Variants in DUSP15 observed in about 807,000 individuals in gnomAD.
DUSP15 encodes the protein dual specificity protein phosphatase 15.
Under a neutral mutation model 26.3 loss-of-function variants are expected in DUSP15, and 23 were observed. The ratio of observed to expected loss-of-function variants is 0.87; its 90% CI spans 0.63 to 1.24. The LOEUF (loss-of-function observed/expected upper bound fraction) is 1.24, where lower values mean the gene tolerates loss of function less well. DUSP15 is among the 50% of genes most tolerant of loss of function. The pLI, the probability that DUSP15 is intolerant of heterozygous loss-of-function variation, is 0.00. For synonymous variants in DUSP15, 143 were observed against 135.5 expected (o/e 1.06, Z -0.39); for missense variants, 364 against 320.6 (o/e 1.14, Z -1.03).
intron 3 of DUSP15, among the ~76,000 whole-genome samples, chr20:31,866,224 T>A (rs1250538415): frequency 2.6e-5 from 4 of 152,238 alleles, no homozygotes; most frequent in African/African-American, 9.6e-5. Context: ...CCCATGGTTC[T>A]TTCTCTCCAG....
At chr20:31,852,070 C>T (rs1356848321) in intron 6 of DUSP15, among the ~76,000 whole-genome samples, 4 of 148,804 alleles carry the variant, frequency 2.7e-5, no homozygotes, top group Non-Finnish European at 5.9e-5. Flanking sequence ...TGCAATGGTG[C>T]GATCTCGGCT....
intron 5 of DUSP15, 56 bp downstream of exon 5, chr20:31,863,851 C>G (rs978796963): frequency 5.2e-6 from 8 of 1,540,918 alleles, no homozygotes; most frequent in Non-Finnish European, 7.2e-6. Context: ...GTGTGTTCAG[C>G]AGAGGGCACA....
chr20:31,862,322 G>A (rs972551081), intron 6 of DUSP15, among the ~76,000 whole-genome samples: 1 of 152,186 alleles, frequency 6.6e-6, no homozygotes, highest in Non-Finnish European at 1.5e-5. Context: ...GGGAGGGCTG[G>A]AAGACCTGGT....
In DUSP15 at chr20:31,848,559, C is replaced by A. The variant is rs570916731; in HGVS notation, c.733G>T (p.Val245Leu). Residue 245 changes from valine to leucine, a missense_variant, in exon 10 of 10, where the codon GTG (valine) becomes TTG (leucine). Transcript: ENST00000278979. ...GACGAGCTCCCAGGCCGAAGCTGCACCTGCACCTGCGGGGGCGGGTGGGGC... is the reference window on the plus strand; with the variant it reads ...GACGAGCTCCCAGGCCGAAGCTGCAACTGCACCTGCGGGGGCGGGTGGGGC... The A allele has an allele frequency of 5.7e-6, 9 of 1,571,792 alleles. No homozygotes were observed. The East Asian group carries it at 1.1e-4, about 20-fold the overall frequency.
chr20:31,858,290 C>T (rs2062594893), downstream of DUSP15, among the ~76,000 whole-genome samples: 1 of 152,192 alleles, frequency 6.6e-6, no homozygotes, highest in African/African-American at 2.4e-5. This position sits in a 1 kb window ranked among gnomAD's most constrained non-coding sequence, Gnocchi z 4.4. Flanking sequence ...GTCCCAGAGG[C>T]ACAGGGAACC....
intron 6 of DUSP15, 71 bp downstream of exon 6, chr20:31,862,500 C>T (rs1035998426): frequency 2.0e-6 from 3 of 1,486,622 alleles, no homozygotes; most frequent in Non-Finnish European, 2.7e-6. Flanking sequence ...ATGTTCCAAT[C>T]AGTGATCAGT....
downstream of DUSP15, among the ~76,000 whole-genome samples, chr20:31,858,877 G>A (rs1311161350): frequency 6.6e-6 from 1 of 152,168 alleles, no homozygotes; most frequent in East Asian, 1.9e-4. This position sits in a 1 kb window ranked among gnomAD's most constrained non-coding sequence, Gnocchi z 4.4. Flanking sequence ...TGGGCAGGAA[G>A]CCCAGGAAAC....
At chr20:31,849,446 T>G in intron 8 of DUSP15, 1 of 583,968 alleles carries the variant, frequency 1.7e-6, no homozygotes. Context: ...GCATTTAATG[T>G]GCCCACTCTC....
downstream of DUSP15, among the ~76,000 whole-genome samples, chr20:31,845,939 TAG>T (rs2062372329): frequency 6.7e-6 from 1 of 149,618 alleles, no homozygotes; most frequent in East Asian, 2.0e-4. Context: ...AAAAAAGAGA[TAG>T]AGACAGAGAG....
chr20:31,853,651 C>A (rs1482464920), intron 6 of DUSP15, among the ~76,000 whole-genome samples: 1 of 150,712 alleles, frequency 6.6e-6, no homozygotes, highest in African/African-American at 2.4e-5. Flanking sequence ...CACACCACTT[C>A]ACTCCAGCCT....
chr20:31,855,926 T>A (rs968123617), intron 6 of DUSP15, among the ~76,000 whole-genome samples: 1 of 152,108 alleles, frequency 6.6e-6, no homozygotes, highest in Non-Finnish European at 1.5e-5. Flanking sequence ...CGGGGGAGGC[T>A]CTCTCTTTTT....
Position 31,870,149 on chromosome 20 carries a change from G to T in DUSP15, c.21+168C>A. 1 of 1,230,352 alleles carries T rather than the reference G, an allele frequency of 8.1e-7. No individual in the cohort carries two copies. The highest frequency in any genetic ancestry group is 1.6e-5 in the African/African-American group (1 of 64,004). The allele number at this position is 1,230,352 out of a possible 1,614,324, so 76.2% of individuals were successfully genotyped here. On this transcript the variant is annotated intron_variant, in intron 1 of 6. Transcript: ENST00000339738. The surrounding 1 kb of genome is among the most constrained non-coding windows in gnomAD (Gnocchi z 6.6). Reference sequence around the variant, plus strand: ...GCGGGGACAGAGACGCAGGGTCAGAGAGGGGGAGACCCGACAGCCGCGGTC... The same window carrying T: ...GCGGGGACAGAGACGCAGGGTCAGATAGGGGGAGACCCGACAGCCGCGGTC...
rs565382099 is a variant in DUSP15 at position 31,861,656 on chromosome 20, T to C, written c.455A>G (p.Glu152Gly). 16 of 1,155,062 alleles carry C rather than the reference T, an allele frequency of 1.4e-5. No individual in the cohort carries two copies. In the East Asian group the frequency reaches 1.4e-3, roughly 101 times the overall value. The allele number at this position is 1,155,062 out of a possible 1,614,324, so 71.6% of individuals were successfully genotyped here. ...SSQKLRRQLE[E>G]RFGESPFRDE... ...GCGGAAGGGGCTCTCGCCGAAGCGC[T>C]CCTCCAGCTGCCGGCGAAGCTGGGG... The change falls in exon 7 of 7, where the codon GAG (glutamate) becomes GGG (glycine). Residue 152 changes from glutamate to glycine, a missense_variant. Transcript: ENST00000339738.
At chr20:31,854,938 T>A (rs766173080) in intron 6 of DUSP15, among the ~76,000 whole-genome samples, 120 of 152,356 alleles carry the variant, frequency 7.9e-4, no homozygotes, top group Non-Finnish European at 1.2e-3. Flanking sequence ...TTGTTTTCTG[T>A]GTGTTTCTGT....
intron 4 of DUSP15, 86 bp downstream of exon 4, chr20:31,864,867 C>T (rs1228794978): frequency 1.4e-6 from 2 of 1,410,562 alleles, no homozygotes; most frequent in Non-Finnish European, 2.0e-6. Context: ...GGCCTGAGTA[C>T]TTTGTCCTCC....
chr20:31,854,611 G>A (rs1014195884), intron 6 of DUSP15, among the ~76,000 whole-genome samples: 45 of 152,190 alleles, frequency 3.0e-4, no homozygotes, highest in African/African-American at 7.5e-4. Context: ...ACTGAGCTGG[G>A]CCTTGAAGGG....
chr20:31,846,442 T>TAGAG (rs71185371), downstream of DUSP15, among the ~76,000 whole-genome samples: 4,506 of 107,660 alleles, frequency 0.042, 108 homozygotes, highest in East Asian at 0.13. Flanking sequence ...AAGGAATGAA[T>TAGAG]AGAGAGAGAG....
chr20:31,850,695 C>A, intron 6 of DUSP15: 1 of 1,607,634 alleles, frequency 6.2e-7, no homozygotes, highest in Non-Finnish European at 8.5e-7. Context: ...GGAGAGGAAG[C>A]AGTCAGGCAC....
intron 4 of DUSP15, chr20:31,864,206 A>G (rs999881334): frequency 4.0e-5 from 53 of 1,332,868 alleles, no homozygotes; most frequent in Non-Finnish European, 5.0e-5. Flanking sequence ...CAGTCAGGAC[A>G]AATCTCACCA....
Sources: allele counts gnomAD v4.1 joint callset (sites outside exome capture counted in the v4.1 genomes callset), GRCh38; gene constraint gnomAD v4.1.1; non-coding constraint Gnocchi (gnomAD v3.1); transcripts MANE v1.5; gene names NCBI Gene and HGNC (gene_info 2026-07-23, HGNC 2026-07-21).